Variants in RRM2 observed in about 807,000 individuals in gnomAD.
RRM2 encodes ribonucleoside-diphosphate reductase subunit M2.
RRM2 carries 6 observed loss-of-function variants against 45.9 expected under a neutral mutation model. That is an observed-to-expected ratio of 0.13 (90% CI 0.07 to 0.26). RRM2 has a LOEUF of 0.26. RRM2 is among the 10% of genes least tolerant of loss of function. The pLI is 1.00. For missense variants in RRM2, 343 were observed against 489.5 expected (o/e 0.70, Z 2.82); for synonymous variants, 177 against 173.0 (o/e 1.02, Z -0.18).
At chr2:10,179,414 G>C (rs1222778527) in intron 3 of RRM2, among the ~76,000 whole-genome samples, 1 of 152,146 alleles carries the variant, frequency 6.6e-6, no homozygotes, top group Admixed American at 6.5e-5. Flanking sequence ...GCCTCCCAAA[G>C]TGCTGGGATT....
chr2:10,177,258 T>TA (rs1264080577), intron 3 of RRM2, among the ~76,000 whole-genome samples: 1 of 129,520 alleles, frequency 7.7e-6, no homozygotes, highest in African/African-American at 2.8e-5. Context: ...TAAAATAAAA[T>TA]AAAATAATAG....
At chr2:10,181,679 T>C (rs1664048768) in intron 3 of RRM2, among the ~76,000 whole-genome samples, 1 of 151,902 alleles carries the variant, frequency 6.6e-6, no homozygotes, top group African/African-American at 2.4e-5. Flanking sequence ...TTGAAAATAT[T>C]TTCCGATTTT....
At chr2:10,162,272 C>A (rs1301297297) in intron 3 of RRM2, among the ~76,000 whole-genome samples, 2 of 152,148 alleles carry the variant, frequency 1.3e-5, no homozygotes, top group Non-Finnish European at 2.9e-5. Context: ...AGCCGCCCGT[C>A]GTTCATGTCG....
At chr2:10,199,336 G>A (rs924082235) in intron 3 of RRM2, 3 of 150,768 alleles carry the variant, frequency 2.0e-5, no homozygotes, top group African/African-American at 7.3e-5. Flanking sequence ...ACATTATTTT[G>A]GAGACTTGTA....
chr2:10,195,397 G>A lies in RRM2; in HGVS notation n.483-14914G>A, dbSNP rs1185019078. Among the ~76,000 whole-genome samples the A allele has an allele frequency of 6.6e-6, 1 of 152,078 alleles. No individual in the cohort carries two copies. The highest frequency in any genetic ancestry group is 1.9e-4 in the East Asian group (1 of 5,166). On this transcript the variant is annotated intron_variant and non_coding_transcript_variant, in intron 3 of 3. Coordinates refer to the RRM2 transcript ENST00000381786. This position sits in a 1 kb window ranked among gnomAD's most constrained non-coding sequence, Gnocchi z 4.9. ...GGGCCTCTGAGCGGACAGTGCTGGC[G>A]GAGCCCTGGGGAGCACCGAGTCCCC...
At chr2:10,194,047 C>T (rs1338281631) in intron 3 of RRM2, among the ~76,000 whole-genome samples, 1 of 152,230 alleles carries the variant, frequency 6.6e-6, no homozygotes, top group East Asian at 1.9e-4. Flanking sequence ...AAAGTCATTT[C>T]AGAAGCTGGA....
intron 3 of RRM2, among the ~76,000 whole-genome samples, chr2:10,162,025 G>A (rs1248886874): frequency 1.3e-5 from 2 of 152,238 alleles, no homozygotes; most frequent in Non-Finnish European, 2.9e-5. Context: ...CGAGGCTTGC[G>A]CCTGGCTGCA....
chr2:10,166,125 C>T (rs990173828), intron 3 of RRM2, among the ~76,000 whole-genome samples: 3 of 152,164 alleles, frequency 2.0e-5, no homozygotes, highest in South Asian at 2.1e-4. Flanking sequence ...TGGAGGACAC[C>T]GTTCCATCTT....
At chr2:10,166,405 G>A (rs1663682798) in intron 3 of RRM2, among the ~76,000 whole-genome samples, 1 of 152,196 alleles carries the variant, frequency 6.6e-6, no homozygotes, top group African/African-American at 2.4e-5. Context: ...TCAGCCGACT[G>A]GCTTCTGTGC....
chr2:10,199,799 A>AAAAAAAAC (rs1664505717), intron 3 of RRM2, among the ~76,000 whole-genome samples: 14 of 149,806 alleles, frequency 9.3e-5, no homozygotes, highest in South Asian at 4.3e-4. Context: ...AAAAAAAAAA[A>AAAAAAAAC]AAAAAAAAAA....
At chr2:10,189,786 A>G (rs1664245867) in intron 3 of RRM2, among the ~76,000 whole-genome samples, 1 of 152,256 alleles carries the variant, frequency 6.6e-6, no homozygotes, top group South Asian at 2.1e-4. Context: ...TGGTGACACT[A>G]GATGGGCCAG....
In RRM2 at chr2:10,184,170, C is replaced by T. The variant is rs140689006; in HGVS notation, n.483-26141C>T. ...CCTAGCCCCGGCTCCACTGCCTTTT[C>T]TGGCTTGGGGAGACAAAGCTTGGTA... On this transcript the variant is annotated intron_variant and non_coding_transcript_variant, in intron 3 of 3. Coordinates refer to the RRM2 transcript ENST00000381786. Among the ~76,000 whole-genome samples the T allele has an allele frequency of 6.7e-3, 940 of 139,942 alleles. 7 individuals carry two copies. The highest frequency in any genetic ancestry group is 0.023 in the African/African-American group (897 of 38,218). The allele number at this position is 139,942 out of a possible 152,430, so 91.8% of individuals were successfully genotyped here.
chr2:10,123,681 C>G, intron 3 of RRM2, 55 bp from the exon 4 acceptor site: 2 of 1,400,402 alleles, frequency 1.4e-6, no homozygotes, highest in Admixed American at 3.5e-5. Flanking sequence ...CAGTGTGAGT[C>G]CTGTAGGCTT....
At chr2:10,126,205 C>A (rs1662777795) in intron 5 of RRM2, among the ~76,000 whole-genome samples, 2 of 117,438 alleles carry the variant, frequency 1.7e-5, no homozygotes, top group South Asian at 2.9e-4. Context: ...TGCCCAATGT[C>A]TGGTGCCCTT....
chr2:10,180,426 T>G (rs1030657908), intron 3 of RRM2, among the ~76,000 whole-genome samples: 11 of 152,202 alleles, frequency 7.2e-5, no homozygotes, highest in Non-Finnish European at 1.5e-4. Flanking sequence ...TTCCAAGTCA[T>G]TCATTATTCA....
In RRM2 at chr2:10,182,684, T is replaced by C. The variant is rs189928981; in HGVS notation, n.483-27627T>C. Among the ~76,000 whole-genome samples the C allele has an allele frequency of 4.0e-4, 61 of 152,248 alleles. 4 individuals carry two copies. The East Asian group carries it at 0.011, about 27-fold the overall frequency. ...TAAGAATTTAGCAGCTAGTCCTTAA[T>C]AGGATGAGCCATGAGGACCGGCAGC... is the stretch of plus-strand genomic sequence containing the variant. On this transcript the variant is annotated intron_variant and non_coding_transcript_variant, in intron 3 of 3. Coordinates refer to the RRM2 transcript ENST00000381786.
chr2:10,122,750 C>G lies in RRM2; in HGVS notation c.-49C>G, dbSNP rs1326489314. 5 of 1,556,604 alleles carry G rather than the reference C, an allele frequency of 3.2e-6. No individual in the cohort carries two copies. Among genetic ancestry groups the G allele is most frequent in the Admixed American group, 1.9e-5 (1 of 51,282 alleles). ...GTGAGGGGTCGCCCGTGCACCCTGT[C>G]CCAGCCGTCCTGTCCTGGCTGCTCG... On this transcript the variant is annotated 5_prime_UTR_variant, in exon 1 of 10. Coordinates refer to ENST00000304567, the MANE Select transcript of RRM2 (RefSeq NM_001034.4).
At chr2:10,198,133 C>T (rs1664452269) in intron 3 of RRM2, among the ~76,000 whole-genome samples, 1 of 152,266 alleles carries the variant, frequency 6.6e-6, no homozygotes, top group Non-Finnish European at 1.5e-5. Flanking sequence ...GTACCGCATA[C>T]ATCCCTTTCG....
downstream of RRM2, among the ~76,000 whole-genome samples, chr2:10,134,613 CT>C (rs1402615730): frequency 6.6e-6 from 1 of 152,198 alleles, no homozygotes; most frequent in Non-Finnish European, 1.5e-5. Context: ...TAATTAGAAA[CT>C]CAGACAACAC....
Sources: gnomAD v4.1 joint callset for allele counts (sites outside exome capture counted in the v4.1 genomes callset) on GRCh38, gnomAD v4.1.1 for gene constraint, Gnocchi (gnomAD v3.1) non-coding constraint, MANE v1.5 for transcripts, NCBI Gene and HGNC (gene_info 2026-07-23, HGNC 2026-07-21) for gene names.